PRRX1: variants seen among roughly 807,000 people sequenced by gnomAD.
The protein encoded by PRRX1 is paired mesoderm homeobox protein 1.
Under a neutral mutation model 24.0 loss-of-function variants are expected in PRRX1, and 8 were observed. The ratio of observed to expected loss-of-function variants is 0.33; its 90% CI spans 0.20 to 0.60. PRRX1 has a LOEUF of 0.60. Ranked by LOEUF, PRRX1 falls within the 20% of genes least tolerant of loss-of-function variation. PRRX1 has a pLI of 0.82. For synonymous variants in PRRX1, 160 were observed against 131.7 expected, an observed-to-expected ratio of 1.22 and a Z score of -1.47; for missense variants, 281 against 322.4, an observed-to-expected ratio of 0.87 and a Z score of 0.98.
chr1:170,703,249 C>T (rs1157552456), intron 1 of PRRX1, among the ~76,000 whole-genome samples: 2 of 152,154 alleles, frequency 1.3e-5, no homozygotes, highest in East Asian at 1.9e-4. Flanking sequence ...ATTGGTTCTA[C>T]GAATGTCAAG....
At position 170,737,662 on chromosome 1, in the gene PRRX1, C is replaced by T. The variant is rs377218637; in HGVS notation, c.*1476C>T. On this transcript the variant is annotated 3_prime_UTR_variant, in exon 4 of 4. Transcript: ENST00000239461. ...AATATTTTGAAATAAAGTTTAGTGT[C>T]TAGGGCTGGGAGCCAGGACTGATCT... 8.6e-5 allele frequency: 19 copies of T among 220,906 alleles called. No homozygotes were observed. The highest frequency in any genetic ancestry group is 4.0e-4 in the African/African-American group (18 of 44,612). 13.7% of individuals were successfully genotyped at this position (220,906 alleles called of 1,614,324 possible).
At chr1:170,719,042 G>A (rs149540544) in intron 1 of PRRX1, among the ~76,000 whole-genome samples, 2 of 152,252 alleles carry the variant, frequency 1.3e-5, no homozygotes, top group South Asian at 2.1e-4. Flanking sequence ...CTGTTCTTGG[G>A]TTCTCAGGGA....
chr1:170,699,041 T>C (rs191814296), intron 1 of PRRX1, among the ~76,000 whole-genome samples: 2 of 152,314 alleles, frequency 1.3e-5, no homozygotes, highest in Admixed American at 6.5e-5. Context: ...TAATGATAAA[T>C]AGGGCTTTTA....
chr1:170,691,808 AGGATGAAAATATTAACCCTGTGCTCTG>A (rs559446528), intron 1 of PRRX1, among the ~76,000 whole-genome samples: 1 of 152,128 alleles, frequency 6.6e-6, no homozygotes, highest in South Asian at 2.1e-4. Context: ...TTTAACGTAA[AGGATGAAAATATTAACCCTGTGCTCTG>A]GGTTGTGGTC....
chr1:170,714,375 G>A (rs1384613783), intron 1 of PRRX1, among the ~76,000 whole-genome samples: 1 of 152,080 alleles, frequency 6.6e-6, no homozygotes, highest in African/African-American at 2.4e-5. Context: ...AATGATCAGC[G>A]GGCTGCACTT....
chr1:170,709,669 A>G (rs979864985), intron 1 of PRRX1, among the ~76,000 whole-genome samples: 1 of 152,208 alleles, frequency 6.6e-6, no homozygotes, highest in Admixed American at 6.5e-5. Context: ...AAGTGCAGAC[A>G]ACATACAACA....
At chr1:170,680,181 T>A (rs1407102392) in intron 1 of PRRX1, among the ~76,000 whole-genome samples, 1 of 152,202 alleles carries the variant, frequency 6.6e-6, no homozygotes. Flanking sequence ...ATCAGGCTTT[T>A]TTTTTCTAAT....
intron 2 of PRRX1, among the ~76,000 whole-genome samples, chr1:170,722,058 T>A (rs1165765291): frequency 6.6e-6 from 1 of 152,188 alleles, no homozygotes; most frequent in African/African-American, 2.4e-5. Flanking sequence ...CTTTTTTATA[T>A]GTTGGAACTA....
At chr1:170,724,851 G>T (rs1655203805) in intron 2 of PRRX1, among the ~76,000 whole-genome samples, 1 of 152,098 alleles carries the variant, frequency 6.6e-6, no homozygotes, top group African/African-American at 2.4e-5. Context: ...AATAGCATTA[G>T]ATCTATAAAT....
At chr1:170,730,104 G>A (rs147497131) in intron 3 of PRRX1, 6 of 715,918 alleles carry the variant, frequency 8.4e-6, no homozygotes, top group Non-Finnish European at 1.5e-5. Flanking sequence ...ATTTCCAGAG[G>A]GAGGGCTGGG....
At chr1:170,685,062 C>T (rs951788506) in intron 1 of PRRX1, among the ~76,000 whole-genome samples, 33 of 152,152 alleles carry the variant, frequency 2.2e-4, no homozygotes, top group African/African-American at 7.5e-4. Context: ...AATTTAGAAC[C>T]TACCAGTTTT....
intron 1 of PRRX1, among the ~76,000 whole-genome samples, chr1:170,679,823 T>A (rs976224141): frequency 8.5e-5 from 13 of 152,202 alleles, no homozygotes; most frequent in African/African-American, 3.1e-4. Context: ...CAATTTAATT[T>A]TAGTTTTAAG....
At chr1:170,686,186 A>T (rs573594174) in intron 1 of PRRX1, among the ~76,000 whole-genome samples, 1 of 152,034 alleles carries the variant, frequency 6.6e-6, no homozygotes, top group Admixed American at 6.6e-5. Context: ...GTACAAAAAA[A>T]AAAAAAAAAC....
chr1:170,723,346 T>C (rs1199367483), intron 2 of PRRX1, among the ~76,000 whole-genome samples: 2 of 152,226 alleles, frequency 1.3e-5, no homozygotes, highest in Non-Finnish European at 2.9e-5. Context: ...TCTTCTCCCA[T>C]ACCTTGTTAT....
At chr1:170,728,846 T>C (rs1010477377) in intron 3 of PRRX1, 19 of 152,340 alleles carry the variant, frequency 1.2e-4, no homozygotes, top group African/African-American at 4.3e-4. Context: ...TGAAGCTTGA[T>C]AGGAAATATT....
At chr1:170,708,660 T>A (rs1002206761) in intron 1 of PRRX1, among the ~76,000 whole-genome samples, 1 of 152,226 alleles carries the variant, frequency 6.6e-6, no homozygotes, top group Non-Finnish European at 1.5e-5. Flanking sequence ...TAATTCCATA[T>A]GTATCATCAT....
intron 1 of PRRX1, among the ~76,000 whole-genome samples, chr1:170,691,644 C>T (rs975975189): frequency 6.7e-6 from 1 of 150,172 alleles, no homozygotes; most frequent in Non-Finnish European, 1.5e-5. Flanking sequence ...CAATTGCTTT[C>T]TTTAATTTCA....
rs116580377 is a variant in PRRX1, at chr1:170,699,668, A to T, written c.242-20058A>T. On this transcript the variant is annotated intron_variant, in intron 1 of 3. Transcript: ENST00000239461. The stretch of plus-strand genomic sequence containing the variant: ...TTGGCTTGCTTGGATGTAAACTGAG[A>T]TTCATACCTTTCACAATGAAACAAA... Among the ~76,000 whole-genome samples, 1,281 of 152,218 alleles carry T rather than the reference A, an allele frequency of 8.4e-3. 16 individuals carry two copies. The highest frequency in any genetic ancestry group is 0.029 in the African/African-American group (1,195 of 41,534).
chr1:170,702,001 G>A (rs896024345), intron 1 of PRRX1, among the ~76,000 whole-genome samples: 3 of 152,074 alleles, frequency 2.0e-5, no homozygotes, highest in African/African-American at 7.2e-5. Context: ...TTCCATGGAT[G>A]GGGGAAGGCG....
Sources: allele counts gnomAD v4.1 joint callset (sites outside exome capture counted in the v4.1 genomes callset), GRCh38; gene constraint gnomAD v4.1.1; transcripts MANE v1.5; gene names NCBI Gene and HGNC (gene_info 2026-07-23, HGNC 2026-07-21).